Variants in MCFD2 observed in about 807,000 individuals in gnomAD.
The protein encoded by MCFD2 is multiple coagulation factor deficiency 2, ER cargo receptor complex subunit.
A neutral mutation model predicts 12.8 loss-of-function variants in MCFD2; 11 were observed. The ratio of observed to expected loss-of-function variants is 0.86; its 90% CI spans 0.54 to 1.42. The LOEUF (loss-of-function observed/expected upper bound fraction) is 1.42, where lower values mean the gene tolerates loss of function less well. Among genes scored for constraint, MCFD2 ranks in the 40% most tolerant of loss-of-function variants. MCFD2 has a pLI of 0.00. For synonymous variants in MCFD2, 70 were observed against 68.1 expected, an observed-to-expected ratio of 1.03 and a Z score of -0.14; for missense variants, 191 against 178.6, an observed-to-expected ratio of 1.07 and a Z score of -0.40.
intron 1 of MCFD2, among the ~76,000 whole-genome samples, chr2:46,925,802 T>TA (rs1395624754): frequency 6.6e-6 from 1 of 152,188 alleles, no homozygotes; most frequent in African/African-American, 2.4e-5. Context: ...CAATGGAAGA[T>TA]AAAAATAAAG....
chr2:46,905,388 T>C lies in MCFD2; in HGVS notation c.*75A>G. ...GCAGCAGTAGTTGGAAATGAGTTAT[T>C]TTGCATTACTAAAGTGTTCAATCAC... is the stretch of plus-strand genomic sequence containing the variant. On this transcript the variant is annotated 3_prime_UTR_variant, in exon 4 of 4. Coordinates refer to ENST00000319466, the MANE Select transcript of MCFD2 (RefSeq NM_139279.6). 1.9e-6 allele frequency: 3 copies of C among 1,541,386 alleles called. No individual in the cohort carries two copies. The highest frequency in any genetic ancestry group is 2.7e-6 in the Non-Finnish European group (3 of 1,116,528).
upstream of MCFD2, chr2:46,915,807 C>CGGGGGGGGGGCG: frequency 2.4e-5 from 2 of 84,832 alleles, no homozygotes; most frequent in Non-Finnish European, 2.9e-5. Context: ...CTCGGCTTCG[C>CGGGGGGGGGGCG]CCCGCCCCCC....
intron 1 of MCFD2, among the ~76,000 whole-genome samples, chr2:46,911,096 A>G (rs1429168264): frequency 6.6e-6 from 1 of 152,202 alleles, no homozygotes; most frequent in Non-Finnish European, 1.5e-5. Flanking sequence ...AAACAGTGAC[A>G]TCAAAATGCA....
rs534131115 is a variant in MCFD2 at position 46,907,386 on chromosome 2, TC to T, written c.309+423del. On this transcript the variant is annotated intron_variant, in intron 3 of 3. Coordinates refer to ENST00000319466, the MANE Select transcript of MCFD2 (RefSeq NM_139279.6). This position sits in a 1 kb window ranked among gnomAD's most constrained non-coding sequence, Gnocchi z 4.1. ...AGCAGCAGCACCTTTTTTTTTCTTT[TC>T]TTTTTTTCTCTTTTTGAGACAAGGC... 68 of 190,666 alleles carry T rather than the reference TC, an allele frequency of 3.6e-4. 1 individual carries two copies. In the South Asian group the frequency reaches 6.2e-3, roughly 17 times the overall value. The allele number at this position is 190,666 out of a possible 1,614,324, so 11.8% of individuals were successfully genotyped here.
intron 1 of MCFD2, among the ~76,000 whole-genome samples, chr2:46,926,694 C>A (rs1301422907): frequency 1.3e-5 from 2 of 152,176 alleles, no homozygotes; most frequent in African/African-American, 2.4e-5. Context: ...CAGATGATTT[C>A]TACAATAATT....
rs1173541336 is a variant in MCFD2, at chr2:46,932,153, C to CT, written c.-8+9418dup. Among the ~76,000 whole-genome samples the CT allele has an allele frequency of 3.9e-3, 557 of 144,104 alleles. 3 individuals are homozygous for CT. Among genetic ancestry groups the CT allele is most frequent in the Middle Eastern group, 0.011 (3 of 274 alleles). The allele number at this position is 144,104 out of a possible 152,430, so 94.5% of individuals were successfully genotyped here. A position where few individuals can be genotyped will look rare whatever the true frequency, so the allele number is the denominator to read the frequency against. The stretch of plus-strand genomic sequence containing the variant: ...AAAGCAATGTAGGGCTTCTGGGATT[C>CT]TTTTTTTTTTTTTTGAGACAGAGTC... On this transcript the variant is annotated intron_variant, in intron 1 of 2. Coordinates refer to the MCFD2 transcript ENST00000409147.
chr2:46,936,545 C>G (rs1189076402), intron 1 of MCFD2, among the ~76,000 whole-genome samples: 1 of 152,190 alleles, frequency 6.6e-6, no homozygotes, highest in African/African-American at 2.4e-5. Context: ...ACAGGATACA[C>G]AAGCAACTGT....
At chr2:46,916,572 C>G (rs1368525871), upstream of MCFD2, 1 of 153,202 alleles carries the variant, frequency 6.5e-6, no homozygotes, top group Non-Finnish European at 1.5e-5. Context: ...ACAAGATTAA[C>G]ATTCAGTAAG....
At chr2:46,936,205 T>C (rs1558483359) in intron 1 of MCFD2, among the ~76,000 whole-genome samples, 1 of 152,228 alleles carries the variant, frequency 6.6e-6, no homozygotes, top group Non-Finnish European at 1.5e-5. Flanking sequence ...TATTTGAAAA[T>C]CTTTTCCCCC....
At position 46,926,718 on chromosome 2, in the gene MCFD2, G is replaced by A. The variant is rs150349853; in HGVS notation, c.-8+14854C>T. ...TCTACAATAATTTTTCAAATGCAAT[G>A]TCCTACACAATTAAAGACAACTAGA... On this transcript the variant is annotated intron_variant, in intron 1 of 2. Transcript: ENST00000409147. 6.4e-3 allele frequency among the ~76,000 whole-genome samples: 977 copies of A among 152,292 alleles called. 7 individuals are homozygous for A. Among genetic ancestry groups the A allele is most frequent in the African/African-American group, 0.022 (924 of 41,558 alleles).
intron 1 of MCFD2, among the ~76,000 whole-genome samples, chr2:46,930,840 T>C (rs1254161336): frequency 6.6e-6 from 1 of 152,172 alleles, no homozygotes; most frequent in East Asian, 1.9e-4. Flanking sequence ...TCAGTAATTT[T>C]TAAACCTTCC....
rs567810975 is a variant in MCFD2 at position 46,940,755 on chromosome 2, G to A, written c.-8+817C>T. Among the ~76,000 whole-genome samples the A allele has an allele frequency of 9.2e-5, 14 of 152,338 alleles. 1 individual carries two copies. In the South Asian group the frequency reaches 2.9e-3, roughly 32 times the overall value. On this transcript the variant is annotated intron_variant, in intron 1 of 2. Coordinates refer to the MCFD2 transcript ENST00000409147. This position sits in a 1 kb window ranked among gnomAD's most constrained non-coding sequence, Gnocchi z 4.7. ...GTCGCGGGCCTGGGAACGGGCCTGG[G>A]TCCTCGCGAGCATGCCTGGCCCGCA... is the stretch of plus-strand genomic sequence containing the variant.
chr2:46,921,919 C>A (rs908581217), intron 1 of MCFD2, among the ~76,000 whole-genome samples: 5 of 152,200 alleles, frequency 3.3e-5, no homozygotes, highest in African/African-American at 1.2e-4. Flanking sequence ...CACTCGCCCA[C>A]CCAGTGCTCA....
chr2:46,924,671 G>A (rs572971598), intron 1 of MCFD2, among the ~76,000 whole-genome samples: 8 of 151,430 alleles, frequency 5.3e-5, no homozygotes, highest in Admixed American at 3.3e-4. Flanking sequence ...CTGTCACCCT[G>A]GCTGGAGCGC....
At chr2:46,933,403 C>T (rs998228338) in intron 1 of MCFD2, among the ~76,000 whole-genome samples, 1 of 152,226 alleles carries the variant, frequency 6.6e-6, no homozygotes, top group Non-Finnish European at 1.5e-5. Flanking sequence ...TACTGAGTGT[C>T]TACTATGTGC....
rs1355993185 is a variant in MCFD2 at position 46,903,687 on chromosome 2, T to C, written c.*1776A>G. ...ATAGGGATTTGTGGAACTTTGAACT[T>C]GAGAGAGATGATTTAGGTTAACTAG... On this transcript the variant is annotated 3_prime_UTR_variant, in exon 4 of 4. Coordinates refer to ENST00000319466, the MANE Select transcript of MCFD2 (RefSeq NM_139279.6). 6.6e-6 allele frequency: 1 copy of C among 152,180 alleles called. No homozygotes were observed. Among genetic ancestry groups the C allele is most frequent in the East Asian group, 1.9e-4 (1 of 5,196 alleles). 9.4% of individuals were successfully genotyped at this position (152,180 alleles called of 1,614,324 possible).
chr2:46,915,956 G>A (rs1011936578), upstream of MCFD2: 2 of 985,434 alleles, frequency 2.0e-6, no homozygotes, highest in East Asian at 2.3e-4. Flanking sequence ...GCCCAGCACT[G>A]GCGGGACTGA....
At chr2:46,917,405 C>T (rs914287998), upstream of MCFD2, 1 of 567,562 alleles carries the variant, frequency 1.8e-6, no homozygotes, top group Non-Finnish European at 3.1e-6. Flanking sequence ...TACCCTGCAT[C>T]TGCCATTCAT....
At chr2:46,936,286 T>C (rs1390528913) in intron 1 of MCFD2, among the ~76,000 whole-genome samples, 1 of 152,200 alleles carries the variant, frequency 6.6e-6, no homozygotes, top group Non-Finnish European at 1.5e-5. Context: ...TTTTTTGTTG[T>C]GCATCTGTAA....
Sources: gnomAD v4.1 joint callset for allele counts (sites outside exome capture counted in the v4.1 genomes callset) on GRCh38, gnomAD v4.1.1 for gene constraint, Gnocchi (gnomAD v3.1) non-coding constraint, MANE v1.5 for transcripts, NCBI Gene and HGNC (gene_info 2026-07-23, HGNC 2026-07-21) for gene names.